OSBPL3: variants seen among roughly 807,000 people sequenced by gnomAD.
OSBPL3 encodes the protein oxysterol binding protein like 3.
A neutral mutation model predicts 120.1 loss-of-function variants in OSBPL3; 65 were observed. The ratio of observed to expected loss-of-function variants is 0.54; its 90% CI spans 0.44 to 0.67. The LOEUF is 0.67. Among genes scored for constraint, OSBPL3 ranks in the 30% least tolerant of loss-of-function variants. The probability of loss-of-function intolerance (pLI) is 0.00; values close to 1 mark genes in which losing one functional copy is unlikely to be tolerated. For missense variants in OSBPL3, 1,004 were observed against 1,082.1 expected, an observed-to-expected ratio of 0.93 and a Z score of 1.01; for synonymous variants, 416 against 402.6, an observed-to-expected ratio of 1.03 and a Z score of -0.40.
Position 24,940,939 on chromosome 7 carries a change from C to A in OSBPL3, c.-150+38947G>T, listed in dbSNP as rs1813026156. Among the ~76,000 whole-genome samples, 1 of 151,954 alleles carries A rather than the reference C, an allele frequency of 6.6e-6. No homozygotes were observed. The highest frequency in any genetic ancestry group is 1.5e-5 in the Non-Finnish European group (1 of 68,000). On this transcript the variant is annotated intron_variant, in intron 1 of 22. Coordinates refer to ENST00000313367, the MANE Select transcript of OSBPL3 (RefSeq NM_015550.4). This position sits in a 1 kb window ranked among gnomAD's most constrained non-coding sequence, Gnocchi z 4.4. The stretch of plus-strand genomic sequence containing the variant: ...GGTTCAAGCCATTCTCCTGCCCCAG[C>A]CTCCCAAGTAGCTGGGACTACAGGC...
rs1458639617 is a variant in OSBPL3 at position 24,872,462 on chromosome 7, T to A, written c.97-393A>T. On this transcript the variant is annotated intron_variant, in intron 2 of 22. Transcript: ENST00000313367. The surrounding 1 kb of genome is among the most constrained non-coding windows in gnomAD (Gnocchi z 4.1). Reference sequence around the variant, plus strand: ...AACCGAAAGAGAGTGTGTGTGTGTGTGTGTGTGTGTGTGTGTGTGTGTGTG... The same window carrying A: ...AACCGAAAGAGAGTGTGTGTGTGTGAGTGTGTGTGTGTGTGTGTGTGTGTG... Among the ~76,000 whole-genome samples, 1 of 151,176 alleles carries A rather than the reference T, an allele frequency of 6.6e-6. No individual in the cohort carries two copies. Among genetic ancestry groups the A allele is most frequent in the African/African-American group, 2.4e-5 (1 of 41,128 alleles).
Position 24,851,746 on chromosome 7 carries a change from A to AC in OSBPL3, c.1158+757dup, listed in dbSNP as rs397704076. Among the ~76,000 whole-genome samples, 2 of 151,966 alleles carry AC rather than the reference A, an allele frequency of 1.3e-5. No homozygotes were observed. Among genetic ancestry groups the AC allele is most frequent in the Non-Finnish European group, 2.9e-5 (2 of 67,992 alleles). On this transcript the variant is annotated intron_variant, in intron 11 of 22. Coordinates refer to ENST00000313367, the MANE Select transcript of OSBPL3 (RefSeq NM_015550.4). This position sits in a 1 kb window ranked among gnomAD's most constrained non-coding sequence, Gnocchi z 4.1. ...ATAGATTCAGGGTAAAAAAAAAAAA[A>AC]CGAGATAACTTTATTCAAATAGAGG...
rs768599531 is a variant in OSBPL3 at position 24,851,964 on chromosome 7, G to C, written c.1158+540C>G. On this transcript the variant is annotated intron_variant, in intron 11 of 22. Transcript: ENST00000313367. The surrounding 1 kb of genome is among the most constrained non-coding windows in gnomAD (Gnocchi z 4.1). ...ACTCATCTCTTTGTAGCCACAGTAGGGGGGCAGGGCAGGGAAGCTAAATGT... is the reference window on the plus strand; with the variant it reads ...ACTCATCTCTTTGTAGCCACAGTAGCGGGGCAGGGCAGGGAAGCTAAATGT... Among the ~76,000 whole-genome samples the C allele has an allele frequency of 3.4e-4, 52 of 152,172 alleles. No individual in the cohort carries two copies. The highest frequency in any genetic ancestry group is 1.1e-3 in the African/African-American group (47 of 41,432).
rs1347883856 is a variant in OSBPL3, at chr7:24,918,873, G to A, written c.-149-26252C>T. On this transcript the variant is annotated intron_variant, in intron 1 of 22. Transcript: ENST00000313367. This position sits in a 1 kb window ranked among gnomAD's most constrained non-coding sequence, Gnocchi z 4.3. ...ACCAAGAAAGCTTCTGCATCCATGA[G>A]AAGGGGATAGAAAAGGCAACAGACA... 6.6e-6 allele frequency among the ~76,000 whole-genome samples: 1 copy of A among 152,210 alleles called. No individual in the cohort carries two copies. Among genetic ancestry groups the A allele is most frequent in the Non-Finnish European group, 1.5e-5 (1 of 68,034 alleles).
At chr7:24,884,951 G>C (rs1804272584) in intron 2 of OSBPL3, among the ~76,000 whole-genome samples, 1 of 152,102 alleles carries the variant, frequency 6.6e-6, no homozygotes, top group South Asian at 2.1e-4. Context: ...ATTTAGAGAT[G>C]CTAAATCTTA....
intron 12 of OSBPL3, among the ~76,000 whole-genome samples, chr7:24,844,810 T>G (rs1798205307): frequency 6.6e-6 from 1 of 151,680 alleles, no homozygotes; most frequent in African/African-American, 2.4e-5. Flanking sequence ...ATTAACTTGC[T>G]GGTATTTTCA....
intron 1 of OSBPL3, among the ~76,000 whole-genome samples, chr7:24,895,123 G>A (rs1181938807): frequency 2.0e-5 from 3 of 152,148 alleles, no homozygotes; most frequent in African/African-American, 7.2e-5. Context: ...GCCTCATCAG[G>A]AATTTGGTTA....
chr7:24,902,911 T>C (rs1181262257), intron 1 of OSBPL3, among the ~76,000 whole-genome samples: 1 of 152,134 alleles, frequency 6.6e-6, no homozygotes, highest in Non-Finnish European at 1.5e-5. Flanking sequence ...TGTGCTTGGC[T>C]TCCCTCTATT....
chr7:24,843,379 A>T (rs1463635091), intron 12 of OSBPL3, among the ~76,000 whole-genome samples: 1 of 152,356 alleles, frequency 6.6e-6, no homozygotes, highest in South Asian at 2.1e-4. Flanking sequence ...CAATCAGAGT[A>T]GACAGGTAGT....
intron 1 of OSBPL3, among the ~76,000 whole-genome samples, chr7:24,943,051 G>A (rs1166318099): frequency 1.3e-5 from 2 of 152,196 alleles, no homozygotes; most frequent in African/African-American, 4.8e-5. Flanking sequence ...GCTCCAAACA[G>A]AACACCAACC....
At chr7:24,892,939 TATA>T (rs1007218224) in intron 1 of OSBPL3, among the ~76,000 whole-genome samples, 2 of 152,234 alleles carry the variant, frequency 1.3e-5, no homozygotes, top group East Asian at 1.9e-4. Context: ...CTGTGATAGC[TATA>T]ATAATTTTTT....
At chr7:24,878,131 C>A (rs150085165) in intron 2 of OSBPL3, among the ~76,000 whole-genome samples, 1 of 152,208 alleles carries the variant, frequency 6.6e-6, no homozygotes, top group African/African-American at 2.4e-5. Context: ...CATGCTCATG[C>A]GCTGGCCAAG....
intron 1 of OSBPL3, among the ~76,000 whole-genome samples, chr7:24,910,851 T>C (rs1241762353): frequency 1.3e-5 from 2 of 152,062 alleles, no homozygotes; most frequent in Non-Finnish European, 2.9e-5. Context: ...GTGAGCTGGG[T>C]CGGGAGGGGC....
rs923301735 is a variant in OSBPL3, at chr7:24,878,000, T to C, written c.97-5931A>G. ...GGCTTCTTAAGGTTTTTGCATGAGT[T>C]TCACTGAAGACAGTCTGGTGCTGTC... On this transcript the variant is annotated intron_variant, in intron 2 of 22. Coordinates refer to ENST00000313367, the MANE Select transcript of OSBPL3 (RefSeq NM_015550.4). The surrounding 1 kb of genome is among the most constrained non-coding windows in gnomAD (Gnocchi z 4.8). Among the ~76,000 whole-genome samples, 21 of 152,194 alleles carry C rather than the reference T, an allele frequency of 1.4e-4. No individual in the cohort carries two copies. The highest frequency in any genetic ancestry group is 1.3e-4 in the Non-Finnish European group (9 of 68,038).
At position 24,818,445 on chromosome 7, in the gene OSBPL3, G is replaced by A. The variant is rs1207768553; in HGVS notation, c.1948+1730C>T. ...AGACGTATGAAAAAATAGTAGAGAG[G>A]TTGGGAAGGGAAAATGGAAGTATAC... On this transcript the variant is annotated intron_variant, in intron 17 of 22. Coordinates refer to ENST00000313367, the MANE Select transcript of OSBPL3 (RefSeq NM_015550.4). This position sits in a 1 kb window ranked among gnomAD's most constrained non-coding sequence, Gnocchi z 4.0. Among the ~76,000 whole-genome samples the A allele has an allele frequency of 6.6e-6, 1 of 152,076 alleles. No homozygotes were observed. Among genetic ancestry groups the A allele is most frequent in the Non-Finnish European group, 1.5e-5 (1 of 68,016 alleles).
rs951453456 is a variant in OSBPL3 at position 24,796,940 on chromosome 7, C to G, written c.*3243G>C. 1.3e-5 allele frequency: 2 copies of G among 152,134 alleles called. No homozygotes were observed. Among genetic ancestry groups the G allele is most frequent in the African/African-American group, 4.8e-5 (2 of 41,434 alleles). The allele number at this position is 152,134 out of a possible 1,614,324, so 9.4% of individuals were successfully genotyped here. On this transcript the variant is annotated 3_prime_UTR_variant, in exon 23 of 23. Transcript: ENST00000313367. The surrounding 1 kb of genome is among the most constrained non-coding windows in gnomAD (Gnocchi z 5.2). ...ATCTGGTAGCAAAAATAGATTTATGCCGGTGTTAATATCAAAATAAAGACA... is the reference window on the plus strand; with the variant it reads ...ATCTGGTAGCAAAAATAGATTTATGGCGGTGTTAATATCAAAATAAAGACA...
chr7:24,917,167 A>G (rs1216414057), intron 1 of OSBPL3, among the ~76,000 whole-genome samples: 1 of 151,850 alleles, frequency 6.6e-6, no homozygotes, highest in East Asian at 1.9e-4. Context: ...TGTTTATTCT[A>G]TAGCAGAAGT....
chr7:24,869,715 G>C (rs1362879025), intron 5 of OSBPL3, among the ~76,000 whole-genome samples: 1 of 152,216 alleles, frequency 6.6e-6, no homozygotes, highest in Non-Finnish European at 1.5e-5. Context: ...TACACCCAGA[G>C]ATACAGTTAG....
chr7:24,981,276 C>T (rs1818317403), upstream of OSBPL3: 1 of 152,210 alleles, frequency 6.6e-6, no homozygotes, highest in Admixed American at 6.5e-5. This position sits in a 1 kb window ranked among gnomAD's most constrained non-coding sequence, Gnocchi z 7.3. Context: ...GCGAGGGTGG[C>T]TTTTACCCAG....
Sources: allele counts gnomAD v4.1 joint callset (sites outside exome capture counted in the v4.1 genomes callset), GRCh38; gene constraint gnomAD v4.1.1; non-coding constraint Gnocchi (gnomAD v3.1); transcripts MANE v1.5; gene names NCBI Gene and HGNC (gene_info 2026-07-23, HGNC 2026-07-21).